The following SLC10A7 variants were observed in gnomAD, a reference collection of about 807,000 sequenced individuals.
SLC10A7 encodes the protein sodium/bile acid cotransporter 7.
Under a neutral mutation model 43.2 loss-of-function variants are expected in SLC10A7, and 29 were observed. The observed-to-expected ratio is 0.67, with a 90% CI of 0.50 to 0.92. The LOEUF (loss-of-function observed/expected upper bound fraction) is 0.92, where lower values mean the gene tolerates loss of function less well. SLC10A7 is among the 40% of genes least tolerant of loss of function. The pLI is 0.00. For synonymous variants in SLC10A7, 152 were observed against 144.8 expected (o/e 1.05, Z -0.35); for missense variants, 295 against 403.2 (o/e 0.73, Z 2.30).
At chr4:146,356,629 T>C (rs1323788323) in intron 5 of SLC10A7, among the ~76,000 whole-genome samples, 4 of 151,852 alleles carry the variant, frequency 2.6e-5, no homozygotes, top group Non-Finnish European at 5.9e-5. Flanking sequence ...CTTGCTGTTA[T>C]CTTGCTTTAT....
chr4:146,491,678 GGGAAGGAAGGAA>G (rs200895728), intron 4 of SLC10A7, among the ~76,000 whole-genome samples: 12,527 of 93,428 alleles, frequency 0.13, 1,010 homozygotes, highest in African/African-American at 0.23. Context: ...GAGGGAGGAA[GGGAAGGAAGGAA>G]GGAAGGAAGG....
chr4:146,309,999 G>GTCTC (rs143763550), intron 6 of SLC10A7, among the ~76,000 whole-genome samples: 1 of 152,168 alleles, frequency 6.6e-6, no homozygotes, highest in East Asian at 1.9e-4. Flanking sequence ...AGTCCCCAGT[G>GTCTC]TCTCTTGTTG....
At chr4:146,319,201 T>C (rs533775931) in intron 6 of SLC10A7, among the ~76,000 whole-genome samples, 1 of 152,210 alleles carries the variant, frequency 6.6e-6, no homozygotes, top group African/African-American at 2.4e-5. Context: ...TCTGACATCA[T>C]CTTAATTTAC....
intron 6 of SLC10A7, among the ~76,000 whole-genome samples, chr4:146,320,588 G>C (rs1560794887): frequency 6.6e-6 from 1 of 152,060 alleles, no homozygotes; most frequent in Non-Finnish European, 1.5e-5. Context: ...ACCTGGAATA[G>C]TTGGCTGAAA....
intron 5 of SLC10A7, among the ~76,000 whole-genome samples, chr4:146,380,159 G>A (rs1288122902): frequency 6.6e-6 from 1 of 151,872 alleles, no homozygotes. Context: ...TTTAAAACCA[G>A]GTATATGTTA....
chr4:146,273,739 G>A (rs898499067), intron 10 of SLC10A7, among the ~76,000 whole-genome samples: 7 of 152,082 alleles, frequency 4.6e-5, no homozygotes, highest in Non-Finnish European at 1.0e-4. Flanking sequence ...TTCAGGATGA[G>A]GTGTGCAGCA....
intron 9 of SLC10A7, among the ~76,000 whole-genome samples, chr4:146,286,074 G>A (rs1384549782): frequency 2.1e-5 from 3 of 142,646 alleles, no homozygotes; most frequent in South Asian, 4.7e-4. Flanking sequence ...TTGGAGTGGT[G>A]AGAAGGACTC....
Position 146,256,861 on chromosome 4 carries a change from C to T in SLC10A7, c.994-341G>A, listed in dbSNP as rs1281489763. 3 of 1,536,044 alleles carry T rather than the reference C, an allele frequency of 2.0e-6. No homozygotes were observed. In the African/African-American group the frequency reaches 4.1e-5, roughly 21 times the overall value. ...GACTCTTGGTATTTATTTTAATGCC[C>T]AAATTTGATGGATAGATATTCCAAG... On this transcript the variant is annotated intron_variant, in intron 11 of 11. Transcript: ENST00000335472.
chr4:146,266,706 T>C (rs1211049546), intron 10 of SLC10A7, among the ~76,000 whole-genome samples: 1 of 152,212 alleles, frequency 6.6e-6, no homozygotes, highest in Non-Finnish European at 1.5e-5. Context: ...TCATTGATCA[T>C]ATCCAGTAAT....
At chr4:146,510,316 G>C (rs1365022950) in intron 2 of SLC10A7, among the ~76,000 whole-genome samples, 5 of 149,974 alleles carry the variant, frequency 3.3e-5, no homozygotes, top group Non-Finnish European at 7.4e-5. Flanking sequence ...CTGGAGTACA[G>C]TGGCGCGATC....
At chr4:146,280,843 A>T (rs1729504648) in intron 10 of SLC10A7, among the ~76,000 whole-genome samples, 1 of 152,176 alleles carries the variant, frequency 6.6e-6, no homozygotes, top group Admixed American at 6.6e-5. Context: ...AAGGGATGAC[A>T]GAATATTGGA....
intron 5 of SLC10A7, among the ~76,000 whole-genome samples, chr4:146,349,940 T>C (rs1734911190): frequency 6.6e-6 from 1 of 152,038 alleles, no homozygotes; most frequent in African/African-American, 2.4e-5. Flanking sequence ...CATTATTTCA[T>C]ATACCCTAGT....
At chr4:146,403,738 G>A (rs1289122397) in intron 5 of SLC10A7, among the ~76,000 whole-genome samples, 1 of 152,126 alleles carries the variant, frequency 6.6e-6, no homozygotes, top group Non-Finnish European at 1.5e-5. Flanking sequence ...AAGACGTTAA[G>A]TTTAAATCTT....
intron 5 of SLC10A7, among the ~76,000 whole-genome samples, chr4:146,414,893 T>C (rs1214726070): frequency 6.6e-6 from 1 of 152,110 alleles, no homozygotes; most frequent in African/African-American, 2.4e-5. Context: ...AAAATCTTAA[T>C]AGTCCCAGAA....
chr4:146,305,153 T>C (rs1012794069), intron 7 of SLC10A7, among the ~76,000 whole-genome samples: 2 of 150,610 alleles, frequency 1.3e-5, no homozygotes, highest in Non-Finnish European at 3.0e-5. Context: ...TTATTCACAA[T>C]AGCAAAGACT....
chr4:146,478,049 A>T (rs1338321876), intron 4 of SLC10A7: 3 of 152,222 alleles, frequency 2.0e-5, no homozygotes, highest in Non-Finnish European at 4.4e-5. Context: ...ACTCACTAAA[A>T]TTTAAGGTTA....
intron 5 of SLC10A7, among the ~76,000 whole-genome samples, chr4:146,423,643 A>G (rs1307567254): frequency 6.6e-6 from 1 of 152,220 alleles, no homozygotes; most frequent in Non-Finnish European, 1.5e-5. Context: ...AATGGTTGGT[A>G]ATTTCAACAG....
intron 6 of SLC10A7, 134 bp from the exon 7 acceptor site, chr4:146,306,143 G>C (rs773109809): frequency 2.5e-4 from 131 of 518,846 alleles, no homozygotes; most frequent in Non-Finnish European, 4.0e-4. Flanking sequence ...AATAAGTGAA[G>C]TTACCTCTAA....
chr4:146,441,651 A>G, intron 5 of SLC10A7: 6 of 971,000 alleles, frequency 6.2e-6, no homozygotes, highest in Non-Finnish European at 7.3e-6. Context: ...TAAACTAAGC[A>G]ATCCGAGAGA....
Sources: allele counts gnomAD v4.1 joint callset (sites outside exome capture counted in the v4.1 genomes callset), GRCh38; gene constraint gnomAD v4.1.1; transcripts MANE v1.5; gene names NCBI Gene and HGNC (gene_info 2026-07-23, HGNC 2026-07-21).